XK: variants seen among roughly 807,000 people sequenced by gnomAD.
XK encodes X-linked Kx blood group antigen, Kell and VPS13A binding protein, also known as endoplasmic reticulum membrane adapter protein XK.
Under a neutral mutation model 14.0 loss-of-function variants are expected in XK, and 2 were observed. That is an observed-to-expected ratio of 0.14 (90% CI 0.06 to 0.45). The LOEUF is 0.45. XK is among the 20% of genes least tolerant of loss of function. XK has a pLI of 0.98. For missense variants in XK, 235 were observed against 341.5 expected, an observed-to-expected ratio of 0.69 and a Z score of 2.46; for synonymous variants, 149 against 147.5, an observed-to-expected ratio of 1.01 and a Z score of -0.08.
Position 37,686,350 on chromosome X carries a change from C to T in XK, c.245+144C>T, listed in dbSNP as rs1866497362. On this transcript the variant is annotated intron_variant, in intron 1 of 2. Transcript: ENST00000378616. ...AGCCGGTCCGCCATGCCCCTCAGCC[C>T]CATTATTCCAGTCAGGAACGCGACG... 5 of 1,058,806 alleles carry T rather than the reference C, an allele frequency of 4.7e-6. No homozygotes were observed. In the South Asian group the frequency reaches 1.1e-4, roughly 24 times the overall value. 87.3% of individuals were successfully genotyped at this position (1,058,806 alleles called of 1,213,427 possible).
Position 37,713,263 on chromosome X carries a change from G to T in XK, c.509-14373G>T, listed in dbSNP as rs782311878. On this transcript the variant is annotated intron_variant, in intron 2 of 2. Coordinates refer to ENST00000378616, the MANE Select transcript of XK (RefSeq NM_021083.4). ...GCTGGGACTGAGGGCTGGAGGCCTTGGTTGTTTTCCATGTGGACCTCTCTT... is the reference window on the plus strand; with the variant it reads ...GCTGGGACTGAGGGCTGGAGGCCTTTGTTGTTTTCCATGTGGACCTCTCTT... Among the ~76,000 whole-genome samples the T allele has an allele frequency of 2.7e-5, 3 of 111,696 alleles. No homozygotes were observed. The South Asian group carries it at 1.1e-3, about 42-fold the overall frequency.
At chrX:37,705,037 T>C (rs868965633) in intron 2 of XK, among the ~76,000 whole-genome samples, 3 of 112,326 alleles carry the variant, frequency 2.7e-5, no homozygotes, top group African/African-American at 9.7e-5. Context: ...TGATTAATCC[T>C]ATTTTGAAGT....
intron 2 of XK, among the ~76,000 whole-genome samples, chrX:37,710,271 A>G (rs960832849): frequency 1.8e-5 from 2 of 112,093 alleles, no homozygotes; most frequent in Non-Finnish European, 3.8e-5. Context: ...GTGTCAACAA[A>G]GCTCTACTGG....
chrX:37,689,417 AC>A (rs1477290797), intron 1 of XK, among the ~76,000 whole-genome samples: 16 of 112,116 alleles, frequency 1.4e-4, no homozygotes, highest in African/African-American at 4.5e-4. Context: ...GGTGATTCTT[AC>A]CCCCTTCCTT....
intron 2 of XK, among the ~76,000 whole-genome samples, chrX:37,709,595 TA>T (rs1927619708): frequency 8.9e-6 from 1 of 112,099 alleles, no homozygotes; most frequent in Non-Finnish European, 1.9e-5. Flanking sequence ...TTACATAAAT[TA>T]TAGAAGTCTG....
rs371386605 is a variant in XK, at chrX:37,686,032, T to A, written c.71T>A (p.Leu24Gln). 49 of 1,209,275 alleles carry A rather than the reference T, an allele frequency of 4.1e-5. No individual in the cohort carries two copies. The highest frequency in any genetic ancestry group is 5.1e-5 in the Non-Finnish European group (46 of 894,803). The change falls in exon 1 of 3, where the codon CTG (leucine) becomes CAG (glutamine). Residue 24 changes from leucine to glutamine, a missense_variant. By Grantham distance (113) the Leu-to-Gln change is moderately radical. Transcript: ENST00000378616. ...FVAETTAALS[L>Q]SSTYRSGGDR... ...GCCGAGACAACGGCGGCGCTCAGCCTGAGCAGCACCTACCGCTCGGGCGGG... is the reference window on the plus strand; with the variant it reads ...GCCGAGACAACGGCGGCGCTCAGCCAGAGCAGCACCTACCGCTCGGGCGGG...
rs782214964 is a variant in XK at position 37,721,546 on chromosome X, A to T, written c.509-6090A>T. On this transcript the variant is annotated intron_variant, in intron 2 of 2. Coordinates refer to ENST00000378616, the MANE Select transcript of XK (RefSeq NM_021083.4). Reference sequence around the variant, plus strand: ...AATGGCTAGAATAAAAAAGTTAGATAATAAGAAATGTTGATGAAGATGTGG... The same window carrying T: ...AATGGCTAGAATAAAAAAGTTAGATTATAAGAAATGTTGATGAAGATGTGG... 2.7e-5 allele frequency among the ~76,000 whole-genome samples: 3 copies of T among 111,631 alleles called. 1 individual carries two copies. In the South Asian group the frequency reaches 1.1e-3, roughly 41 times the overall value.
At chrX:37,721,815 T>C (rs782758822) in intron 2 of XK, among the ~76,000 whole-genome samples, 7 of 111,838 alleles carry the variant, frequency 6.3e-5, no homozygotes, top group African/African-American at 1.6e-4. Context: ...TATCAACTGA[T>C]GAATGGACCA....
At chrX:37,705,289 C>CA (rs5902157) in intron 2 of XK, among the ~76,000 whole-genome samples, 392 of 98,907 alleles carry the variant, frequency 4.0e-3, no homozygotes, top group African/African-American at 0.01. Flanking sequence ...ACTAAAAATA[C>CA]AAAAAAAAAA....
At position 37,728,743 on chromosome X, in the gene XK, T is replaced by C. The variant is rs1928029979; in HGVS notation, c.*281T>C. 1 of 346,303 alleles carries C rather than the reference T, an allele frequency of 2.9e-6. No homozygotes were observed. Among genetic ancestry groups the C allele is most frequent in the African/African-American group, 2.6e-5 (1 of 38,414 alleles). The allele number at this position is 346,303 out of a possible 1,213,427, so 28.5% of individuals were successfully genotyped here. On this transcript the variant is annotated 3_prime_UTR_variant, in exon 3 of 3. Coordinates refer to ENST00000378616, the MANE Select transcript of XK (RefSeq NM_021083.4). ...GGCCTTTTCACTGACAAGTTACCCC[T>C]GAAATCTGAGTTGTACTGGTTAGAT... is the stretch of plus-strand genomic sequence containing the variant.
chrX:37,703,355 G>A (rs782166117), intron 2 of XK, among the ~76,000 whole-genome samples: 1 of 112,026 alleles, frequency 8.9e-6, no homozygotes, highest in East Asian at 2.8e-4. Flanking sequence ...ATGTGAGATT[G>A]TTGAGTTCTG....
intron 2 of XK, among the ~76,000 whole-genome samples, chrX:37,709,618 TG>T (rs1372575434): frequency 8.9e-6 from 1 of 112,223 alleles, no homozygotes; most frequent in African/African-American, 3.2e-5. Context: ...ATTCTTAAAA[TG>T]GTTTTGAGTT....
intron 2 of XK, among the ~76,000 whole-genome samples, chrX:37,726,916 C>T (rs1927985679): frequency 8.9e-6 from 1 of 111,883 alleles, no homozygotes; most frequent in Non-Finnish European, 1.9e-5. Flanking sequence ...GAGGAACATA[C>T]TGAGCAACTT....
chrX:37,703,570 TG>T (rs1556444310), intron 2 of XK, among the ~76,000 whole-genome samples: 1 of 112,089 alleles, frequency 8.9e-6, no homozygotes, highest in East Asian at 2.8e-4. Context: ...AATAGTTCTA[TG>T]GAAAATGGGT....
At chrX:37,688,305 A>T (rs1214199883) in intron 1 of XK, among the ~76,000 whole-genome samples, 1 of 110,312 alleles carries the variant, frequency 9.1e-6, no homozygotes, top group Non-Finnish European at 1.9e-5. Flanking sequence ...TGACCTCGTG[A>T]TCCGCCTGCC....
chrX:37,693,738 G>C (rs78786840), intron 1 of XK, among the ~76,000 whole-genome samples: 3,801 of 111,758 alleles, frequency 0.034, 67 homozygotes, highest in Non-Finnish European at 0.055. Flanking sequence ...CTGTGCTGGA[G>C]GATTTCCGAG....
intron 2 of XK, among the ~76,000 whole-genome samples, chrX:37,712,970 A>C (rs1373257894): frequency 4.5e-5 from 5 of 112,028 alleles, no homozygotes; most frequent in African/African-American, 1.6e-4. Flanking sequence ...TCGAGGATCC[A>C]GGCACTTTCC....
At position 37,728,792 on chromosome X, in the gene XK, G is replaced by T; in HGVS notation, c.*330G>T. The T allele has an allele frequency of 4.4e-6, 1 of 226,682 alleles. No individual in the cohort carries two copies. The highest frequency in any genetic ancestry group is 8.0e-6 in the Non-Finnish European group (1 of 125,156). The allele number at this position is 226,682 out of a possible 1,213,427, so 18.7% of individuals were successfully genotyped here. A position where few individuals can be genotyped will look rare whatever the true frequency, so the allele number is the denominator to read the frequency against. ...ATTCATTAGGTTGAATGAGGAGAGG[G>T]GCTTACCTGTTCTCTAGTTTTCCAG... is the stretch of plus-strand genomic sequence containing the variant. On this transcript the variant is annotated 3_prime_UTR_variant, in exon 3 of 3. Coordinates refer to ENST00000378616, the MANE Select transcript of XK (RefSeq NM_021083.4).
intron 2 of XK, among the ~76,000 whole-genome samples, chrX:37,721,314 C>A (rs183338565): frequency 4.5e-5 from 5 of 111,184 alleles, no homozygotes; most frequent in Admixed American, 9.6e-5. Flanking sequence ...TTGGTCTATG[C>A]AGATCTGGCC....
Sources: gnomAD v4.1 joint callset for allele counts (sites outside exome capture counted in the v4.1 genomes callset) on GRCh38, gnomAD v4.1.1 for gene constraint, MANE v1.5 for transcripts, NCBI Gene and HGNC (gene_info 2026-07-23, HGNC 2026-07-21) for gene names.